Variants in MAML3 observed in about 807,000 individuals in gnomAD.
The protein encoded by MAML3 is mastermind like transcriptional coactivator 3.
Under a neutral mutation model 101.9 loss-of-function variants are expected in MAML3, and 27 were observed. That is an observed-to-expected ratio of 0.27 (90% CI 0.20 to 0.37). MAML3 has a LOEUF of 0.37. MAML3 is among the 10% of genes least tolerant of loss of function. The pLI is 1.00. For synonymous variants in MAML3, 501 were observed against 555.9 expected (o/e 0.90, Z 1.39); for missense variants, 1,316 against 1,444.9 (o/e 0.91, Z 1.45).
rs1408920005 is a variant in MAML3, at chr4:139,735,191, C to A, written c.2080-4524G>T. ...AGCACAATACCGAGCAGATGGTGTT[C>A]GCACGGCGTGATGGACATCACACAC... is the stretch of plus-strand genomic sequence containing the variant. On this transcript the variant is annotated intron_variant, in intron 2 of 4. Transcript: ENST00000509479. The surrounding 1 kb of genome is among the most constrained non-coding windows in gnomAD (Gnocchi z 5.8). Among the ~76,000 whole-genome samples, 1 of 152,220 alleles carries A rather than the reference C, an allele frequency of 6.6e-6. No individual in the cohort carries two copies. Among genetic ancestry groups the A allele is most frequent in the Non-Finnish European group, 1.5e-5 (1 of 68,040 alleles).
intron 1 of MAML3, among the ~76,000 whole-genome samples, chr4:140,137,100 T>C (rs1291173633): frequency 6.6e-6 from 1 of 152,242 alleles, no homozygotes; most frequent in African/African-American, 2.4e-5. Context: ...GCCATTCTCC[T>C]GCCTCAGCCT....
chr4:139,916,630 C>A (rs1385992685), intron 1 of MAML3, among the ~76,000 whole-genome samples: 1 of 152,224 alleles, frequency 6.6e-6, no homozygotes, highest in Non-Finnish European at 1.5e-5. Flanking sequence ...GGCCACCAAC[C>A]ATGGTTCTAT....
At chr4:140,098,696 G>A (rs1171749880) in intron 1 of MAML3, among the ~76,000 whole-genome samples, 2 of 152,210 alleles carry the variant, frequency 1.3e-5, no homozygotes, top group African/African-American at 4.8e-5. Context: ...CATGAGTCCT[G>A]GGCACAAAGG....
chr4:139,751,056 T>C (rs1729486295), intron 2 of MAML3, among the ~76,000 whole-genome samples: 1 of 152,232 alleles, frequency 6.6e-6, no homozygotes, highest in African/African-American at 2.4e-5. Context: ...TCGTCCGTCT[T>C]CAGGGTCTAA....
intron 1 of MAML3, among the ~76,000 whole-genome samples, chr4:139,905,889 C>T (rs1004818015): frequency 9.9e-5 from 15 of 152,160 alleles, no homozygotes; most frequent in African/African-American, 3.6e-4. Flanking sequence ...AATACTGTCA[C>T]ATTTTGAGAA....
intron 1 of MAML3, among the ~76,000 whole-genome samples, chr4:139,989,951 T>A (rs1734633541): frequency 6.6e-6 from 1 of 151,980 alleles, no homozygotes; most frequent in South Asian, 2.1e-4. Context: ...AATTTAAATA[T>A]TTTAAATATT....
At chr4:139,778,058 T>C (rs1438969408) in intron 2 of MAML3, among the ~76,000 whole-genome samples, 1 of 152,142 alleles carries the variant, frequency 6.6e-6, no homozygotes, top group Non-Finnish European at 1.5e-5. Flanking sequence ...ACTCTGAGAG[T>C]GAGAACTTTA....
intron 2 of MAML3, 74 bp from the exon 3 acceptor site, chr4:139,730,741 G>GA: frequency 7.2e-7 from 1 of 1,385,720 alleles, no homozygotes; most frequent in Non-Finnish European, 9.9e-7. Context: ...GAAGCCCCTG[G>GA]AAAAAGGGAA....
chr4:140,088,498 C>A lies in MAML3; in HGVS notation c.468+64362G>T, dbSNP rs2110978173. On this transcript the variant is annotated intron_variant, in intron 1 of 4. Coordinates refer to ENST00000509479, the MANE Select transcript of MAML3 (RefSeq NM_018717.5). ...CATTCCCACTGCTCCACGGTTTGGGCCTTCCTCATTTCTGCCCAGACTAGC... is the reference window on the plus strand; with the variant it reads ...CATTCCCACTGCTCCACGGTTTGGGACTTCCTCATTTCTGCCCAGACTAGC... 2.0e-5 allele frequency among the ~76,000 whole-genome samples: 3 copies of A among 152,284 alleles called. No homozygotes were observed. The South Asian group carries it at 6.2e-4, about 32-fold the overall frequency.
chr4:139,918,741 A>G (rs1215772919), intron 1 of MAML3, among the ~76,000 whole-genome samples: 1 of 152,182 alleles, frequency 6.6e-6, no homozygotes, highest in East Asian at 1.9e-4. Context: ...GTCAGTACGT[A>G]TCTTTGGAAT....
At chr4:139,925,460 C>A (rs1298082946) in intron 1 of MAML3, among the ~76,000 whole-genome samples, 1 of 152,166 alleles carries the variant, frequency 6.6e-6, no homozygotes, top group African/African-American at 2.4e-5. Context: ...GAACTCCTGA[C>A]CTCAGGCAAT....
chr4:140,072,869 C>A (rs1269914309), intron 1 of MAML3, among the ~76,000 whole-genome samples: 5 of 152,094 alleles, frequency 3.3e-5, no homozygotes, highest in African/African-American at 1.2e-4. Context: ...GGATACGCTG[C>A]ATGAAGTTGC....
intron 1 of MAML3, among the ~76,000 whole-genome samples, chr4:139,927,652 T>C (rs534081831): frequency 6.6e-6 from 1 of 152,354 alleles, no homozygotes; most frequent in South Asian, 2.1e-4. Context: ...TATATAACTA[T>C]GGACTTCTGG....
chr4:140,008,532 GA>G (rs1431696963), intron 1 of MAML3, among the ~76,000 whole-genome samples: 1 of 152,128 alleles, frequency 6.6e-6, no homozygotes. Context: ...GTCCCTGAAG[GA>G]ACTACGAAGT....
chr4:139,961,024 T>C (rs188674788), intron 1 of MAML3, among the ~76,000 whole-genome samples: 165 of 152,280 alleles, frequency 1.1e-3, no homozygotes, highest in African/African-American at 3.8e-3. Context: ...TTCTCAGATG[T>C]GCTTACGTCA....
At chr4:139,860,264 C>T (rs1319144165) in intron 2 of MAML3, among the ~76,000 whole-genome samples, 1 of 152,242 alleles carries the variant, frequency 6.6e-6, no homozygotes, top group African/African-American at 2.4e-5. Context: ...GGCTTCCCAC[C>T]GCGCCCCAAA....
chr4:140,097,399 C>T (rs1002365451), intron 1 of MAML3, among the ~76,000 whole-genome samples: 2 of 152,114 alleles, frequency 1.3e-5, no homozygotes, highest in African/African-American at 4.8e-5. Flanking sequence ...AAGACGAAGC[C>T]GAGGTTTTGT....
chr4:139,938,510 C>T (rs1294384571), intron 1 of MAML3, among the ~76,000 whole-genome samples: 1 of 152,176 alleles, frequency 6.6e-6, no homozygotes, highest in African/African-American at 2.4e-5. Context: ...CATTCTAATA[C>T]CCATACGATG....
At chr4:139,732,271 TAG>T (rs1728754081) in intron 2 of MAML3, among the ~76,000 whole-genome samples, 1 of 152,234 alleles carries the variant, frequency 6.6e-6, no homozygotes, top group African/African-American at 2.4e-5. Context: ...CTGTCTCTCC[TAG>T]AGAGACCGTC....
Sources: allele counts gnomAD v4.1 joint callset (sites outside exome capture counted in the v4.1 genomes callset), GRCh38; gene constraint gnomAD v4.1.1; non-coding constraint Gnocchi (gnomAD v3.1); transcripts MANE v1.5; gene names NCBI Gene and HGNC (gene_info 2026-07-23, HGNC 2026-07-21).